SAMM50: variants seen among roughly 807,000 people sequenced by gnomAD.
The protein encoded by SAMM50 is sorting and assembly machinery component 50 homolog.
Under a neutral mutation model 66.9 loss-of-function variants are expected in SAMM50, and 47 were observed. The observed-to-expected ratio is 0.70, with a 90% CI of 0.56 to 0.90. SAMM50 has a LOEUF of 0.90. SAMM50 is among the 40% of genes least tolerant of loss of function. The pLI, the probability that SAMM50 is intolerant of heterozygous loss-of-function variation, is 0.00. For synonymous variants in SAMM50, 191 were observed against 214.1 expected (o/e 0.89, Z 0.94); for missense variants, 535 against 595.3 (o/e 0.90, Z 1.05).
chr22:43,983,558 T>G lies in SAMM50; in HGVS notation c.1008-375T>G, dbSNP rs2050275347. Among the ~76,000 whole-genome samples, 1 of 152,190 alleles carries G rather than the reference T, an allele frequency of 6.6e-6. No homozygotes were observed. The highest frequency in any genetic ancestry group is 1.5e-5 in the Non-Finnish European group (1 of 68,038). ...TTAAATAATTTGTATCCTGCTCTTCTTCCCCTAATATCGCACTGTGAGCCA... is the reference window on the plus strand; with the variant it reads ...TTAAATAATTTGTATCCTGCTCTTCGTCCCCTAATATCGCACTGTGAGCCA... On this transcript the variant is annotated intron_variant, in intron 11 of 14. Coordinates refer to ENST00000350028, the MANE Select transcript of SAMM50 (RefSeq NM_015380.5). This position sits in a 1 kb window ranked among gnomAD's most constrained non-coding sequence, Gnocchi z 4.2.
intron 7 of SAMM50, 119 bp downstream of exon 7, chr22:43,973,442 C>A: frequency 1.5e-6 from 1 of 655,226 alleles, no homozygotes; most frequent in East Asian, 2.9e-5. Flanking sequence ...CCCTCCGCAC[C>A]AGGTACCTCC....
At chr22:43,963,032 T>A (rs886841603) in intron 1 of SAMM50, 5 of 240,696 alleles carry the variant, frequency 2.1e-5, no homozygotes, top group African/African-American at 1.1e-4. Context: ...ACACTCCCCC[T>A]GCCCTTCCCT....
At chr22:43,968,914 T>C (rs2273031) in intron 4 of SAMM50, 96 bp downstream of exon 4, 478,401 of 780,416 alleles carry the variant, frequency 0.61, 149,840 homozygotes, top group East Asian at 0.85. Context: ...AGCAGAGCAC[T>C]GCTCCCTGCT....
intron 3 of SAMM50, 137 bp downstream of exon 3, chr22:43,964,690 G>A: frequency 1.8e-6 from 1 of 550,274 alleles, no homozygotes; most frequent in Admixed American, 3.3e-5. Context: ...GGGAGCCTTG[G>A]CACCCCCAAG....
chr22:43,994,809 C>T (rs2050344382), intron 14 of SAMM50, among the ~76,000 whole-genome samples: 1 of 152,184 alleles, frequency 6.6e-6, no homozygotes, highest in Non-Finnish European at 1.5e-5. Context: ...GTATTTTGTT[C>T]TGTGACATGT....
At chr22:43,957,640 T>A (rs2050126784) in intron 1 of SAMM50, among the ~76,000 whole-genome samples, 1 of 152,208 alleles carries the variant, frequency 6.6e-6, no homozygotes, top group Admixed American at 6.5e-5. Context: ...GCCAGGCTGG[T>A]CTTGAACTCC....
chr22:43,989,970 G>C (rs189166981), intron 13 of SAMM50, among the ~76,000 whole-genome samples: 1 of 152,148 alleles, frequency 6.6e-6, no homozygotes. Flanking sequence ...ACTCAGAGTG[G>C]GGCTTCCCAG....
At chr22:43,987,245 C>T (rs1018929559) in intron 12 of SAMM50, 1 of 152,156 alleles carries the variant, frequency 6.6e-6, no homozygotes, top group Non-Finnish European at 1.5e-5. Flanking sequence ...GTTAATAATA[C>T]TATTAATGAT....
chr22:43,980,098 A>G, intron 10 of SAMM50, among the ~76,000 whole-genome samples: 1 of 146,998 alleles, frequency 6.8e-6, no homozygotes, highest in African/African-American at 2.5e-5. Context: ...CCATCCATCC[A>G]CCCATCCACC....
chr22:43,977,083 T>C (rs2050236531), intron 9 of SAMM50, among the ~76,000 whole-genome samples: 1 of 152,138 alleles, frequency 6.6e-6, no homozygotes, highest in Non-Finnish European at 1.5e-5. Flanking sequence ...TGAGGGCCTG[T>C]AATAGGCCAG....
intron 14 of SAMM50, chr22:43,995,587 A>C (rs2050348877): frequency 6.6e-6 from 1 of 152,470 alleles, no homozygotes; most frequent in Non-Finnish European, 1.5e-5. Context: ...GCATGCTGTC[A>C]GGGGGACAGG....
chr22:43,966,758 C>G (rs1412550710), intron 3 of SAMM50, among the ~76,000 whole-genome samples: 1 of 152,106 alleles, frequency 6.6e-6, no homozygotes, highest in Admixed American at 6.5e-5. Flanking sequence ...AAGAAAAATG[C>G]CATCTCATTG....
chr22:43,991,251 T>G (rs1046503698), intron 14 of SAMM50, among the ~76,000 whole-genome samples: 3 of 151,192 alleles, frequency 2.0e-5, no homozygotes, highest in Non-Finnish European at 2.9e-5. Context: ...GCTGGGATTA[T>G]AGGCATGAGC....
At chr22:43,963,237 G>T (rs976039920) in intron 1 of SAMM50, 49 bp from the exon 2 acceptor site, 5 of 1,159,628 alleles carry the variant, frequency 4.3e-6, no homozygotes, top group Non-Finnish European at 6.4e-6. Context: ...GTAAGTGTGT[G>T]TATATATGTG....
intron 1 of SAMM50, among the ~76,000 whole-genome samples, chr22:43,962,881 A>ATTTTTTTTTTTTTTTT (rs58022542): frequency 1.2e-4 from 8 of 65,518 alleles, no homozygotes; most frequent in Non-Finnish European, 2.2e-4. Flanking sequence ...CTTTTGGTTA[A>ATTTTTTTTTTTTTTTT]TTTTTTTTTT....
At chr22:43,963,256 A>AT in intron 1 of SAMM50, 30 bp from the exon 2 acceptor site, 1 of 1,412,486 alleles carries the variant, frequency 7.1e-7, no homozygotes. Context: ...TGACAAAGTC[A>AT]TTTATCTGTG....
At chr22:43,988,745 G>T in intron 12 of SAMM50, 1 of 170,446 alleles carries the variant, frequency 5.9e-6, no homozygotes, top group Non-Finnish European at 1.2e-5. Flanking sequence ...GCAAAATAAT[G>T]CATTTCATTT....
intron 1 of SAMM50, among the ~76,000 whole-genome samples, chr22:43,958,476 C>CTTTTTTTTTTTTTT (rs3083316): frequency 8.9e-6 from 1 of 112,586 alleles, no homozygotes; most frequent in Non-Finnish European, 1.7e-5. Context: ...TTATGGAGCT[C>CTTTTTTTTTTTTTT]TTTTTTTTTT....
Position 43,989,239 on chromosome 22 carries a change from C to A in SAMM50, c.1204C>A (p.Leu402Ile). The change falls in exon 13 of 15, where the codon CTC becomes ATC. Residue 402 changes from leucine to isoleucine, a missense_variant. Transcript: ENST00000350028. ...RTHFFLNAGN[L>I]CNLNYGEGPK... ...ACACTTCTTTCTCAACGCAGGAAAC[C>A]TCTGCAACCTCAACTATGGTAAAAC... 1 of 1,614,136 alleles carries A rather than the reference C, an allele frequency of 6.2e-7. No homozygotes were observed. Among genetic ancestry groups the A allele is most frequent in the Non-Finnish European group, 8.5e-7 (1 of 1,180,026 alleles).
Sources: allele counts gnomAD v4.1 joint callset (sites outside exome capture counted in the v4.1 genomes callset), GRCh38; gene constraint gnomAD v4.1.1; non-coding constraint Gnocchi (gnomAD v3.1); transcripts MANE v1.5; gene names NCBI Gene and HGNC (gene_info 2026-07-23, HGNC 2026-07-21).